DZANK1: variants seen among roughly 807,000 people sequenced by gnomAD.
The protein encoded by DZANK1 is double zinc ribbon and ankyrin repeat-containing protein 1.
A neutral mutation model predicts 94.5 loss-of-function variants in DZANK1; 91 were observed. That is an observed-to-expected ratio of 0.96 (90% confidence interval 0.81 to 1.15). The LOEUF (loss-of-function observed/expected upper bound fraction) is 1.15. DZANK1 is among the 50% of genes most tolerant of loss of function. The probability of loss-of-function intolerance (pLI) is 0.00; values close to 1 mark genes in which losing one functional copy is unlikely to be tolerated. For missense variants in DZANK1, 903 were observed against 916.4 expected (o/e 0.99, Z 0.19); for synonymous variants, 312 against 325.3 (o/e 0.96, Z 0.44).
intron 3 of DZANK1, among the ~76,000 whole-genome samples, chr20:18,456,747 A>G (rs2059307516): frequency 6.6e-6 from 1 of 151,800 alleles, no homozygotes; most frequent in African/African-American, 2.4e-5. Flanking sequence ...TAACTCGTTC[A>G]TTGTTATTGT....
At chr20:18,422,411 TATGCTAGTACC>T (rs1028191566) in intron 10 of DZANK1, among the ~76,000 whole-genome samples, 2 of 152,218 alleles carry the variant, frequency 1.3e-5, no homozygotes, top group Non-Finnish European at 2.9e-5. Flanking sequence ...TGCCTGTTTT[TATGCTAGTACC>T]ATGCTGTTCT....
At chr20:18,430,293 T>C (rs1400198183) in intron 9 of DZANK1, among the ~76,000 whole-genome samples, 2 of 152,200 alleles carry the variant, frequency 1.3e-5, no homozygotes, top group Non-Finnish European at 2.9e-5. Flanking sequence ...TGGGACTCAC[T>C]GAAGGCACCT....
chr20:18,409,570 ACACACACACACAC>A (rs896444167), intron 13 of DZANK1, among the ~76,000 whole-genome samples: 5 of 127,044 alleles, frequency 3.9e-5, no homozygotes, highest in African/African-American at 1.1e-4. Context: ...ACACACACAC[ACACACACACACAC>A]CACCACCACC....
chr20:18,465,268 G>C (rs1202384390), exon 2 of DZANK1: 1 of 1,599,210 alleles, frequency 6.3e-7, no homozygotes, highest in South Asian at 1.1e-5. Flanking sequence ...ATTTCCAAAA[G>C]CGTATTGTTA....
chr20:18,424,510 T>G (rs1276396378), intron 10 of DZANK1, among the ~76,000 whole-genome samples: 2 of 148,130 alleles, frequency 1.4e-5, no homozygotes, highest in Non-Finnish European at 3.0e-5. Flanking sequence ...AAATGACAGG[T>G]GATATCAAGT....
chr20:18,458,560 A>G (rs2059367761), intron 3 of DZANK1, among the ~76,000 whole-genome samples: 1 of 152,228 alleles, frequency 6.6e-6, no homozygotes, highest in African/African-American at 2.4e-5. Flanking sequence ...ACAGATATAG[A>G]TGATCTTTTA....
At chr20:18,450,439 C>CA (rs775310267) in intron 6 of DZANK1, among the ~76,000 whole-genome samples, 11 of 152,182 alleles carry the variant, frequency 7.2e-5, no homozygotes, top group Non-Finnish European at 1.2e-4. Context: ...CCAGAAGTCT[C>CA]AAAGTGGTGG....
intron 13 of DZANK1, among the ~76,000 whole-genome samples, chr20:18,403,133 G>A (rs561035727): frequency 1.3e-5 from 2 of 152,296 alleles, no homozygotes; most frequent in African/African-American, 4.8e-5. Context: ...CCTTTGCACA[G>A]GCTAAGTTCT....
At chr20:18,422,578 T>G (rs1427523051) in intron 10 of DZANK1, among the ~76,000 whole-genome samples, 3 of 152,180 alleles carry the variant, frequency 2.0e-5, no homozygotes, top group Non-Finnish European at 4.4e-5. Context: ...TTATATAAAA[T>G]TACCTTCAGG....
At chr20:18,405,185 A>C (rs1307958771) in intron 13 of DZANK1, among the ~76,000 whole-genome samples, 1 of 152,182 alleles carries the variant, frequency 6.6e-6, no homozygotes, top group Non-Finnish European at 1.5e-5. Context: ...TAACAGAGCA[A>C]GACTCTGCCT....
chr20:18,393,043 C>T (rs8114115), intron 17 of DZANK1, among the ~76,000 whole-genome samples: 1 of 152,120 alleles, frequency 6.6e-6, no homozygotes, highest in African/African-American at 2.4e-5. Flanking sequence ...ATAACTATTT[C>T]GCAGAAAGCA....
exon 13 of DZANK1, chr20:18,412,659 G>A: frequency 1.9e-6 from 3 of 1,612,802 alleles, no homozygotes; most frequent in Non-Finnish European, 2.5e-6. Context: ...TTCCTGGGCT[G>A]ATGGCTGTCA....
intron 17 of DZANK1, among the ~76,000 whole-genome samples, chr20:18,392,519 C>G (rs909081078): frequency 6.6e-6 from 1 of 152,136 alleles, no homozygotes; most frequent in Non-Finnish European, 1.5e-5. Flanking sequence ...AGCTCGGACC[C>G]GGGCCCAGGC....
At chr20:18,384,363 C>A in exon 21 of DZANK1, 1 of 1,578,040 alleles carries the variant, frequency 6.3e-7, no homozygotes, top group Non-Finnish European at 8.6e-7. Flanking sequence ...CAGCCATGCA[C>A]GTATTCTTAA....
intron 10 of DZANK1, among the ~76,000 whole-genome samples, chr20:18,423,907 AAAGAG>A (rs2057909234): frequency 7.7e-6 from 1 of 129,524 alleles, no homozygotes; most frequent in Non-Finnish European, 1.8e-5. Context: ...AACCCAAAGA[AAAGAG>A]AATAAATAAA....
chr20:18,458,331 G>A (rs1028330773), intron 3 of DZANK1, among the ~76,000 whole-genome samples: 11 of 152,172 alleles, frequency 7.2e-5, no homozygotes, highest in Non-Finnish European at 4.4e-5. Context: ...GATTTAAACA[G>A]GGAAATTTAG....
At chr20:18,460,340 C>T (rs1221769419) in intron 2 of DZANK1, 34 bp from the exon 3 acceptor site, 13 of 1,455,974 alleles carry the variant, frequency 8.9e-6, no homozygotes, top group Non-Finnish European at 1.2e-5. Flanking sequence ...CTATAATTAA[C>T]ACCAAAGTAG....
intron 10 of DZANK1, among the ~76,000 whole-genome samples, chr20:18,419,518 A>G (rs2057669651): frequency 6.6e-6 from 1 of 152,208 alleles, no homozygotes; most frequent in Admixed American, 6.5e-5. Context: ...AACAATAAAG[A>G]GCAAATCTTA....
chr20:18,444,620 G>A (rs1310798250), intron 7 of DZANK1, among the ~76,000 whole-genome samples: 2 of 152,154 alleles, frequency 1.3e-5, no homozygotes, highest in African/African-American at 2.4e-5. Context: ...GGGCTGCAAA[G>A]CTCATGCTTA....
Sources: gnomAD v4.1 joint callset for allele counts (sites outside exome capture counted in the v4.1 genomes callset) on GRCh38, gnomAD v4.1.1 for gene constraint, MANE v1.5 for transcripts, NCBI Gene and HGNC (gene_info 2026-07-23, HGNC 2026-07-21) for gene names.